Variants in EEFSEC observed in about 807,000 individuals in gnomAD.
The protein encoded by EEFSEC is selenocysteine-specific elongation factor.
In EEFSEC, 43 loss-of-function variants were observed where a neutral mutation model predicts 42.1. That is an observed-to-expected ratio of 1.02 (90% CI 0.80 to 1.32). EEFSEC has a LOEUF of 1.32. EEFSEC is among the 40% of genes most tolerant of loss of function. The pLI, the probability that EEFSEC is intolerant of heterozygous loss-of-function variation, is 0.00. For missense variants in EEFSEC, 745 were observed against 803.6 expected (o/e 0.93, Z 0.88); for synonymous variants, 354 against 339.1 (o/e 1.04, Z -0.48).
intron 6 of EEFSEC, among the ~76,000 whole-genome samples, chr3:128,380,016 A>G (rs1332113145): frequency 6.6e-6 from 1 of 152,242 alleles, no homozygotes. Flanking sequence ...TGAGGCTGGC[A>G]TGTAAGGTAT....
At chr3:128,397,835 G>A (rs945598778) in intron 6 of EEFSEC, among the ~76,000 whole-genome samples, 1 of 152,288 alleles carries the variant, frequency 6.6e-6, no homozygotes, top group Non-Finnish European at 1.5e-5. Flanking sequence ...AAGGGGCCAG[G>A]CCCAGGCCTC....
At chr3:128,331,616 A>C (rs567516343) in intron 4 of EEFSEC, among the ~76,000 whole-genome samples, 91 of 151,734 alleles carry the variant, frequency 6.0e-4, no homozygotes, top group Middle Eastern at 3.4e-3. Context: ...TGGCTCACAT[A>C]GTGGCTGAGG....
At chr3:128,363,029 G>C (rs1390995964) in intron 6 of EEFSEC, among the ~76,000 whole-genome samples, 1 of 152,208 alleles carries the variant, frequency 6.6e-6, no homozygotes, top group Non-Finnish European at 1.5e-5. Flanking sequence ...CCCAGAAGGA[G>C]CTTCTATTTA....
chr3:128,390,680 C>T (rs1482155421), intron 6 of EEFSEC, among the ~76,000 whole-genome samples: 1 of 152,164 alleles, frequency 6.6e-6, no homozygotes, highest in Non-Finnish European at 1.5e-5. Flanking sequence ...GGTCTGTGCC[C>T]AGGGCCCAAG....
chr3:128,394,246 G>A (rs1465579991), intron 6 of EEFSEC, among the ~76,000 whole-genome samples: 3 of 152,202 alleles, frequency 2.0e-5, no homozygotes, highest in Non-Finnish European at 4.4e-5. Context: ...AATCAGGAGT[G>A]TGGGTGGGGA....
In EEFSEC at chr3:128,341,897, T is replaced by C; in HGVS notation, c.1443+8T>C. ...CATGGCCTTGTGGAGCGGGTGAGCATGCCCTTGCCTGGCCCCACACCCCTT... is the reference window on the plus strand; with the variant it reads ...CATGGCCTTGTGGAGCGGGTGAGCACGCCCTTGCCTGGCCCCACACCCCTT... On this transcript the variant is annotated splice_region_variant and intron_variant, in intron 5 of 6. Transcript: ENST00000254730. 6.2e-7 allele frequency: 1 copy of C among 1,607,636 alleles called. No homozygotes were observed.
chr3:128,187,643 G>A (rs1301327409), intron 1 of EEFSEC, among the ~76,000 whole-genome samples: 1 of 152,204 alleles, frequency 6.6e-6, no homozygotes, highest in Non-Finnish European at 1.5e-5. Flanking sequence ...ATAAAAGGTG[G>A]CCCTGCCCCT....
At chr3:128,171,051 T>C (rs1244141471) in intron 1 of EEFSEC, among the ~76,000 whole-genome samples, 2 of 152,158 alleles carry the variant, frequency 1.3e-5, no homozygotes, top group Non-Finnish European at 2.9e-5. Context: ...AGCTGTACAA[T>C]CGCAAACTGT....
intron 4 of EEFSEC, among the ~76,000 whole-genome samples, chr3:128,293,674 A>AAAAAAAAAAAAC (rs1553752133): frequency 4.0e-5 from 6 of 149,410 alleles, no homozygotes; most frequent in Non-Finnish European, 8.9e-5. Flanking sequence ...AAAAAAAAAA[A>AAAAAAAAAAAAC]AAAAAAAAAA....
chr3:128,309,026 A>T (rs1222917415), intron 4 of EEFSEC, among the ~76,000 whole-genome samples: 1 of 152,264 alleles, frequency 6.6e-6, no homozygotes, highest in African/African-American at 2.4e-5. Flanking sequence ...TGGCTGCCAG[A>T]TAGTCAACTA....
rs141194371 is a variant in EEFSEC at position 128,389,649 on chromosome 3, C to T, written c.1601-18420C>T. Among the ~76,000 whole-genome samples the T allele has an allele frequency of 2.4e-3, 362 of 152,368 alleles. 2 individuals carry two copies. Among genetic ancestry groups the T allele is most frequent in the African/African-American group, 8.3e-3 (344 of 41,582 alleles). On this transcript the variant is annotated intron_variant, in intron 6 of 6. Coordinates refer to ENST00000254730, the MANE Select transcript of EEFSEC (RefSeq NM_021937.5). Reference sequence around the variant, plus strand: ...TAAACAAGTCCAGTTACAGGAAGATCGGGAGGGTTTTTGGTTTTCACTGGA... The same window carrying T: ...TAAACAAGTCCAGTTACAGGAAGATTGGGAGGGTTTTTGGTTTTCACTGGA...
At chr3:128,313,707 G>A (rs944676626) in intron 4 of EEFSEC, among the ~76,000 whole-genome samples, 5 of 152,208 alleles carry the variant, frequency 3.3e-5, no homozygotes, top group Non-Finnish European at 7.3e-5. Flanking sequence ...AACTGTTCCC[G>A]GGCTCTCATG....
Position 128,260,590 on chromosome 3 carries a change from A to G in EEFSEC, c.525-1538A>G, listed in dbSNP as rs534945245. Among the ~76,000 whole-genome samples, 272 of 152,328 alleles carry G rather than the reference A, an allele frequency of 1.8e-3. 3 individuals are homozygous for G. Among genetic ancestry groups the G allele is most frequent in the Admixed American group, 3.9e-3 (59 of 15,304 alleles). ...CAGGGAGCCACCAGACTGGAAAATC[A>G]TGATCGTTCTCTGGAAGAAGGGCTT... is the stretch of plus-strand genomic sequence containing the variant. On this transcript the variant is annotated intron_variant, in intron 2 of 6. Coordinates refer to ENST00000254730, the MANE Select transcript of EEFSEC (RefSeq NM_021937.5).
In EEFSEC at chr3:128,317,372, T is replaced by A. The variant is rs987935057; in HGVS notation, c.787-23861T>A. Among the ~76,000 whole-genome samples, 8 of 152,182 alleles carry A rather than the reference T, an allele frequency of 5.3e-5. No individual in the cohort carries two copies. The highest frequency in any genetic ancestry group is 1.7e-4 in the African/African-American group (7 of 41,442). ...CGCCCCGCTGCTGGAGCTCAGACGCTCACTCTGGCCTTTCCTACCCTCAGC... is the reference window on the plus strand; with the variant it reads ...CGCCCCGCTGCTGGAGCTCAGACGCACACTCTGGCCTTTCCTACCCTCAGC... On this transcript the variant is annotated intron_variant, in intron 4 of 6. Transcript: ENST00000254730. The surrounding 1 kb of genome is among the most constrained non-coding windows in gnomAD (Gnocchi z 4.1).
chr3:128,185,960 C>T (rs1410323022), intron 1 of EEFSEC, among the ~76,000 whole-genome samples: 1 of 151,792 alleles, frequency 6.6e-6, no homozygotes, highest in East Asian at 1.9e-4. Context: ...ATAAATATAC[C>T]CAGGAATTGC....
intron 2 of EEFSEC, among the ~76,000 whole-genome samples, chr3:128,260,325 G>T (rs2066284865): frequency 6.6e-6 from 1 of 152,108 alleles, no homozygotes; most frequent in African/African-American, 2.4e-5. Context: ...TAATGTGCCA[G>T]GTGTGGGTGT....
intron 4 of EEFSEC, among the ~76,000 whole-genome samples, chr3:128,326,106 G>A (rs553666714): frequency 2.4e-4 from 36 of 152,358 alleles, no homozygotes; most frequent in African/African-American, 7.7e-4. Flanking sequence ...AGGGATAGAA[G>A]CATGAGGGGT....
intron 6 of EEFSEC, among the ~76,000 whole-genome samples, chr3:128,381,316 G>T (rs1437855568): frequency 6.6e-6 from 1 of 152,214 alleles, no homozygotes; most frequent in South Asian, 2.1e-4. Flanking sequence ...GGGTTGGGCG[G>T]CTGGTGTATA....
chr3:128,289,420 A>T (rs749320622), intron 4 of EEFSEC, among the ~76,000 whole-genome samples: 25 of 152,196 alleles, frequency 1.6e-4, no homozygotes, highest in Non-Finnish European at 1.2e-4. Context: ...AGGGCCTGGC[A>T]GGAGGCAGAT....
Sources: gnomAD v4.1 joint callset for allele counts (sites outside exome capture counted in the v4.1 genomes callset) on GRCh38, gnomAD v4.1.1 for gene constraint, Gnocchi (gnomAD v3.1) non-coding constraint, MANE v1.5 for transcripts, NCBI Gene and HGNC (gene_info 2026-07-23, HGNC 2026-07-21) for gene names.